The following CCDC144A variants were observed in gnomAD, a reference collection of about 807,000 sequenced individuals.
CCDC144A encodes coiled-coil domain containing 144A.
CCDC144A carries 41 observed loss-of-function variants against 143.8 expected under a neutral mutation model. The ratio of observed to expected loss-of-function variants is 0.29; its 90% CI spans 0.22 to 0.37. CCDC144A has a LOEUF of 0.37. Among genes scored for constraint, CCDC144A ranks in the 10% least tolerant of loss-of-function variants. CCDC144A has a pLI of 1.00. For synonymous variants in CCDC144A, 242 were observed against 517.9 expected (o/e 0.47, Z 7.23); for missense variants, 637 against 1,488.8 (o/e 0.43, Z 9.41).
chr17:16,775,303 G>A lies in CCDC144A; in HGVS notation c.*1670G>A, dbSNP rs575841512. 6.6e-6 allele frequency: 1 copy of A among 152,152 alleles called. No homozygotes were observed. The highest frequency in any genetic ancestry group is 2.1e-4 in the South Asian group (1 of 4,816). The allele number at this position is 152,152 out of a possible 1,614,324, so 9.4% of individuals were successfully genotyped here. ...GAATCACCACACTGTCTTCCACACT[G>A]GTTGAACTAATTTACACTCCTATCA... On this transcript the variant is annotated 3_prime_UTR_variant, in exon 17 of 17. Transcript: ENST00000399273.
intron 2 of CCDC144A, among the ~76,000 whole-genome samples, chr17:16,696,723 T>A (rs933612839): frequency 2.0e-5 from 3 of 151,886 alleles, no homozygotes; most frequent in South Asian, 2.1e-4. Context: ...GGTGGAATGC[T>A]TTGGGCTATA....
At chr17:16,758,931 CCTGTGAAGGAAGCACACTGTT>C (rs1915227338) in intron 12 of CCDC144A, among the ~76,000 whole-genome samples, 1 of 152,310 alleles carries the variant, frequency 6.6e-6, no homozygotes, top group East Asian at 1.9e-4. Flanking sequence ...CCTTGTGCTT[CCTGTGAAGGAAGCACACTGTT>C]CTGTGTAGTA....
intron 6 of CCDC144A, among the ~76,000 whole-genome samples, chr17:16,717,454 C>G (rs2143165032): frequency 6.6e-6 from 1 of 152,172 alleles, no homozygotes; most frequent in South Asian, 2.1e-4. Flanking sequence ...TTCTTACTTT[C>G]TTTGTGTTTT....
Position 16,708,811 on chromosome 17 carries a change from C to G in CCDC144A, c.754C>G (p.Pro252Ala), listed in dbSNP as rs1173552216. ...NKQPQKTSQE[P>A]EMAKDCDRED... ...GCATCTGCAGAAAACGTCTCAAGAACCAGAAATGGCTAAGGATTGCGATAG... is the reference window on the plus strand; with the variant it reads ...GCATCTGCAGAAAACGTCTCAAGAAGCAGAAATGGCTAAGGATTGCGATAG... Residue 252 changes from proline to alanine, a missense_variant, in exon 5 of 17, where the codon CCA becomes GCA. By Grantham distance (27) the Pro-to-Ala change is conservative (BLOSUM62 -1). Coordinates refer to ENST00000399273, the MANE Select transcript of CCDC144A (RefSeq NM_001382000.1). 6.2e-6 allele frequency: 10 copies of G among 1,611,702 alleles called. No homozygotes were observed. The highest frequency in any genetic ancestry group is 8.5e-6 in the Non-Finnish European group (10 of 1,179,726).
chr17:16,726,536 A>AGGCAAGATC (rs1037999867), intron 8 of CCDC144A, among the ~76,000 whole-genome samples: 97 of 151,852 alleles, frequency 6.4e-4, no homozygotes, highest in Non-Finnish European at 1.1e-3. Flanking sequence ...CCTGCTCCTG[A>AGGCAAGATC]GGCAAGATCT....
At chr17:16,746,269 C>CT (rs1265518914) in intron 12 of CCDC144A, 21,893 of 937,962 alleles carry the variant, frequency 0.023, 163 homozygotes, top group East Asian at 0.044. Flanking sequence ...GTCTCTCTCT[C>CT]TCTTTTTTTT....
chr17:16,757,000 G>A (rs1012609202), intron 12 of CCDC144A, among the ~76,000 whole-genome samples: 4 of 152,282 alleles, frequency 2.6e-5, no homozygotes, highest in Admixed American at 2.0e-4. Context: ...CAGTCCTCAG[G>A]CACATTGATG....
At chr17:16,739,341 A>G (rs1247104826) in intron 12 of CCDC144A, among the ~76,000 whole-genome samples, 1 of 128,060 alleles carries the variant, frequency 7.8e-6, no homozygotes, top group Non-Finnish European at 1.6e-5. Flanking sequence ...TCCTGAGCTC[A>G]AGCAATCCTC....
chr17:16,686,777 C>G (rs1338085579), upstream of CCDC144A, among the ~76,000 whole-genome samples: 1 of 140,794 alleles, frequency 7.1e-6, no homozygotes, highest in Non-Finnish European at 1.5e-5. Context: ...CACACACACA[C>G]ACACACACAA....
intron 5 of CCDC144A, among the ~76,000 whole-genome samples, chr17:16,711,157 A>AAAAAAAC (rs1567589793): frequency 2.8e-5 from 4 of 142,980 alleles, no homozygotes; most frequent in East Asian, 3.9e-4. Flanking sequence ...AAAAAAAAAA[A>AAAAAAAC]ACAAAAGTTA....
chr17:16,686,805 G>A (rs980196153), upstream of CCDC144A, among the ~76,000 whole-genome samples: 3 of 150,342 alleles, frequency 2.0e-5, no homozygotes, highest in Non-Finnish European at 4.4e-5. Context: ...AAATACAGGC[G>A]GTGTTTCAGG....
At chr17:16,677,063 G>A in the CCDC144A span, among the ~76,000 whole-genome samples, 7 of 152,028 alleles carry the variant, frequency 4.6e-5, no homozygotes, top group Non-Finnish European at 1.0e-4. Flanking sequence ...CATGTGGTCC[G>A]AGGTTACAAT....
chr17:16,675,969 T>C, the CCDC144A span, among the ~76,000 whole-genome samples: 4 of 151,824 alleles, frequency 2.6e-5, no homozygotes, highest in Non-Finnish European at 5.9e-5. Context: ...AAGATGGTCT[T>C]GATCTCCTCA....
rs3101948 is a variant in CCDC144A, at chr17:16,746,862, C to G, written c.3372+11219C>G. 218 of 738,434 alleles carry G rather than the reference C, an allele frequency of 3.0e-4. No homozygotes were observed. The African/African-American group carries it at 3.7e-3, about 12-fold the overall frequency. The allele number at this position is 738,434 out of a possible 1,614,324, so 45.7% of individuals were successfully genotyped here. A position where few individuals can be genotyped will look rare whatever the true frequency, so the allele number is the denominator to read the frequency against. On this transcript the variant is annotated intron_variant, in intron 12 of 16. Transcript: ENST00000399273. ...GGAGGCCCGGCCCCCGCCCCTCCCT[C>G]CTCTCCCTTCTCTCCCTTCTCTCCC...
chr17:16,730,009 GT>G (rs796358382), intron 9 of CCDC144A, among the ~76,000 whole-genome samples: 10 of 103,564 alleles, frequency 9.7e-5, no homozygotes, highest in African/African-American at 2.7e-4. Context: ...TACATTTTTT[GT>G]TTTTTTTTGG....
In CCDC144A at chr17:16,751,827, G is replaced by C. The variant is rs879293142; in HGVS notation, c.3373-9598G>C. 2.1e-4 allele frequency among the ~76,000 whole-genome samples: 32 copies of C among 152,326 alleles called. 1 individual carries two copies. The highest frequency in any genetic ancestry group is 6.8e-3 in the Middle Eastern group (2 of 294). On this transcript the variant is annotated intron_variant, in intron 12 of 16. Coordinates refer to ENST00000399273, the MANE Select transcript of CCDC144A (RefSeq NM_001382000.1). ...ACCTGGTGTGGTGCCTGCAGCCCAGGGTTTTTTGCCCAGCAGATGGCTGTG... is the reference window on the plus strand; with the variant it reads ...ACCTGGTGTGGTGCCTGCAGCCCAGCGTTTTTTGCCCAGCAGATGGCTGTG...
intron 6 of CCDC144A, 144 bp from the exon 7 acceptor site, chr17:16,720,054 T>C (rs1188662275): frequency 9.0e-7 from 1 of 1,115,866 alleles, no homozygotes. Context: ...CATTTTACAT[T>C]ACCTGTAAAA....
upstream of CCDC144A, among the ~76,000 whole-genome samples, chr17:16,686,571 T>C (rs948846240): frequency 1.3e-5 from 2 of 151,828 alleles, no homozygotes; most frequent in African/African-American, 4.8e-5. Context: ...TTTGGGAGGC[T>C]GAGATGGGAG....
At chr17:16,679,932 T>G in the CCDC144A span, among the ~76,000 whole-genome samples, 3 of 152,114 alleles carry the variant, frequency 2.0e-5, no homozygotes, top group South Asian at 4.2e-4. Flanking sequence ...TTCTTTTAAG[T>G]GAAAAATGTT....
Sources: gnomAD v4.1 joint callset for allele counts (sites outside exome capture counted in the v4.1 genomes callset) on GRCh38, gnomAD v4.1.1 for gene constraint, MANE v1.5 for transcripts, NCBI Gene and HGNC (gene_info 2026-07-23, HGNC 2026-07-21) for gene names.